The following ARID2 variants were observed in gnomAD, a reference collection of about 807,000 sequenced individuals.
ARID2 encodes AT-rich interactive domain-containing protein 2.
Under a neutral mutation model 184.6 loss-of-function variants are expected in ARID2, and 32 were observed. The observed-to-expected ratio is 0.17, with a 90% CI of 0.13 to 0.23. ARID2 has a LOEUF of 0.23. ARID2 is among the 10% of genes least tolerant of loss of function. ARID2 has a pLI of 1.00. For missense variants in ARID2, 1,696 were observed against 2,197.6 expected (o/e 0.77, Z 4.56); for synonymous variants, 836 against 772.6 (o/e 1.08, Z -1.36).
At chr12:45,736,356 G>GAA (rs201995453) in intron 3 of ARID2, among the ~76,000 whole-genome samples, 5 of 120,604 alleles carry the variant, frequency 4.1e-5, no homozygotes, top group Admixed American at 8.8e-5. Flanking sequence ...GACTCCGTCT[G>GAA]AAAAAAAAAA....
intron 20 of ARID2, among the ~76,000 whole-genome samples, chr12:45,898,470 C>A (rs1024391443): frequency 1.3e-5 from 2 of 152,056 alleles, no homozygotes; most frequent in African/African-American, 4.8e-5. Context: ...TGGAAAAAAA[C>A]TAAAACACAA....
At chr12:45,797,246 A>G (rs1454315326) in intron 3 of ARID2, among the ~76,000 whole-genome samples, 1 of 151,670 alleles carries the variant, frequency 6.6e-6, no homozygotes, top group East Asian at 1.9e-4. Context: ...TTATTTGTTT[A>G]TTTCTTGACA....
At chr12:45,791,091 A>G (rs1325424476) in intron 3 of ARID2, among the ~76,000 whole-genome samples, 1 of 152,120 alleles carries the variant, frequency 6.6e-6, no homozygotes, top group East Asian at 1.9e-4. Context: ...TAATTCTATT[A>G]TTAATTTTTT....
chr12:45,881,062 A>G, intron 16 of ARID2: 1 of 171,722 alleles, frequency 5.8e-6, no homozygotes, highest in Non-Finnish European at 1.3e-5. Flanking sequence ...GTCCTGCTGC[A>G]GGTTCTGCTG....
intron 3 of ARID2, among the ~76,000 whole-genome samples, chr12:45,786,718 C>T (rs774466828): frequency 1.3e-5 from 2 of 152,086 alleles, no homozygotes; most frequent in Non-Finnish European, 2.9e-5. Context: ...TTCACAATAG[C>T]CAAGATATGG....
intron 2 of ARID2, 32 bp from the exon 3 acceptor site, chr12:45,731,185 A>G (rs754160516): frequency 2.0e-6 from 3 of 1,467,400 alleles, no homozygotes; most frequent in Non-Finnish European, 2.9e-6. Context: ...TAGATTGTTC[A>G]CGTTCAGACA....
intron 16 of ARID2, among the ~76,000 whole-genome samples, chr12:45,889,053 G>A (rs1360883292): frequency 6.6e-6 from 1 of 152,066 alleles, no homozygotes; most frequent in Non-Finnish European, 1.5e-5. Context: ...AGGCATTGTG[G>A]TGCACGTAAT....
At chr12:45,743,602 C>CT (rs1941303429) in intron 3 of ARID2, among the ~76,000 whole-genome samples, 1 of 151,948 alleles carries the variant, frequency 6.6e-6, no homozygotes. Context: ...CAAGGTTATT[C>CT]TTTAATGTTT....
intron 3 of ARID2, among the ~76,000 whole-genome samples, chr12:45,769,071 C>T (rs1256888284): frequency 6.6e-6 from 1 of 152,018 alleles, no homozygotes; most frequent in Non-Finnish European, 1.5e-5. Context: ...AGTAACATAC[C>T]CCAGAGTGGG....
At chr12:45,782,092 T>A (rs879720587) in intron 3 of ARID2, among the ~76,000 whole-genome samples, 8 of 152,072 alleles carry the variant, frequency 5.3e-5, no homozygotes, top group Middle Eastern at 3.2e-3. Flanking sequence ...AAGTTTTTTT[T>A]AAAAAAGAGA....
intron 3 of ARID2, chr12:45,776,210 G>T: frequency 6.5e-6 from 1 of 154,948 alleles, no homozygotes. Flanking sequence ...AAACTCTGGG[G>T]TTAGGGCCAA....
chr12:45,849,032 T>G, intron 13 of ARID2, 62 bp downstream of exon 13: 1 of 1,519,232 alleles, frequency 6.6e-7, no homozygotes. Context: ...TCTTGCTCTT[T>G]AAAGAAAATA....
At chr12:45,751,576 C>T (rs1222550795) in intron 3 of ARID2, among the ~76,000 whole-genome samples, 1 of 152,198 alleles carries the variant, frequency 6.6e-6, no homozygotes, top group Non-Finnish European at 1.5e-5. Flanking sequence ...ACAGTTAGTT[C>T]TTGCTTTATG....
At chr12:45,742,617 AT>A (rs1418069597) in intron 3 of ARID2, among the ~76,000 whole-genome samples, 1 of 152,100 alleles carries the variant, frequency 6.6e-6, no homozygotes, top group South Asian at 2.1e-4. Context: ...TCCCATTATT[AT>A]TTTTTTAACA....
intron 3 of ARID2, among the ~76,000 whole-genome samples, chr12:45,792,115 C>T (rs1942303455): frequency 6.6e-6 from 1 of 152,068 alleles, no homozygotes. Context: ...TATTTTAAAA[C>T]CCTTTTAGAG....
At chr12:45,853,414 A>G (rs1365040988) in intron 15 of ARID2, among the ~76,000 whole-genome samples, 1 of 152,168 alleles carries the variant, frequency 6.6e-6, no homozygotes, top group Non-Finnish European at 1.5e-5. Flanking sequence ...AGTATTATTT[A>G]TTGTAATTTC....
intron 11 of ARID2, among the ~76,000 whole-genome samples, chr12:45,845,127 C>T (rs554255117): frequency 6.6e-6 from 1 of 152,154 alleles, no homozygotes; most frequent in Non-Finnish European, 1.5e-5. Context: ...ATTCCTCTTT[C>T]TACATTGTTT....
At chr12:45,804,075 T>C (rs190996792) in intron 3 of ARID2, among the ~76,000 whole-genome samples, 29 of 152,314 alleles carry the variant, frequency 1.9e-4, no homozygotes, top group Middle Eastern at 3.4e-3. Context: ...GAGTATCTTA[T>C]GTGTGTGCCC....
intron 16 of ARID2, among the ~76,000 whole-genome samples, chr12:45,866,951 T>C (rs1943841111): frequency 6.6e-6 from 1 of 151,894 alleles, no homozygotes; most frequent in South Asian, 2.1e-4. Flanking sequence ...TTGTTGTTGT[T>C]GTTGTTGTTG....
Sources: gnomAD v4.1 joint callset for allele counts (sites outside exome capture counted in the v4.1 genomes callset) on GRCh38, gnomAD v4.1.1 for gene constraint, MANE v1.5 for transcripts, NCBI Gene and HGNC (gene_info 2026-07-23, HGNC 2026-07-21) for gene names.